The following TPRX2 variants were observed in gnomAD, a reference collection of about 807,000 sequenced individuals.
The protein encoded by TPRX2 is tetrapeptide repeat homeobox protein 2.
At chr19:47,860,992 C>A in the TPRX2 span, 1 of 1,155,708 alleles carries the variant, frequency 8.7e-7, no homozygotes. Context: ...CAGCCGGGCC[C>A]CTGGGGAGTC....
At chr19:47,860,978 C>A in the TPRX2 span, 1 of 1,313,584 alleles carries the variant, frequency 7.6e-7, no homozygotes, top group Non-Finnish European at 1.1e-6. Context: ...CCTGGATCTC[C>A]CCTCAGCCGG....
the TPRX2 span, among the ~76,000 whole-genome samples, chr19:47,859,863 A>G: frequency 6.6e-6 from 1 of 150,830 alleles, no homozygotes; most frequent in Non-Finnish European, 1.5e-5. Context: ...GGCCTGAGGC[A>G]GCCCCGTCTG....
chr19:47,860,950 TC>T, the TPRX2 span: 10 of 1,455,262 alleles, frequency 6.9e-6, no homozygotes, highest in Non-Finnish European at 9.3e-6. Context: ...GGTCCTGAGT[TC>T]CCGCAGGGCA....
the TPRX2 span, among the ~76,000 whole-genome samples, chr19:47,859,264 T>C: frequency 6.6e-6 from 1 of 151,048 alleles, no homozygotes; most frequent in East Asian, 2.0e-4. Flanking sequence ...ACCCTGGTCA[T>C]CTCCAAGGTG....
At chr19:47,859,887 C>T in the TPRX2 span, among the ~76,000 whole-genome samples, 1 of 150,224 alleles carries the variant, frequency 6.7e-6, no homozygotes, top group Non-Finnish European at 1.5e-5. Flanking sequence ...CGAGGTGAGG[C>T]GCCTACGCTG....
chr19:47,859,926 C>T, the TPRX2 span, among the ~76,000 whole-genome samples: 1 of 149,636 alleles, frequency 6.7e-6, no homozygotes, highest in Admixed American at 6.6e-5. Flanking sequence ...GTTATCGCGC[C>T]CATTTCCTAG....
At chr19:47,861,410 G>A in the TPRX2 span, 1 of 573,932 alleles carries the variant, frequency 1.7e-6, no homozygotes, top group Non-Finnish European at 3.1e-6. Flanking sequence ...TCCTAGACCG[G>A]TTCGAGGAAT....
chr19:47,859,868 C>G, the TPRX2 span, among the ~76,000 whole-genome samples: 2 of 150,732 alleles, frequency 1.3e-5, 1 homozygote, highest in Non-Finnish European at 3.0e-5. Flanking sequence ...GAGGCAGCCC[C>G]GTCTGCTCCG....
chr19:47,860,025 GCT>G, the TPRX2 span: 2 of 1,290,000 alleles, frequency 1.6e-6, no homozygotes, highest in South Asian at 2.6e-5. Context: ...CACTGCCTGG[GCT>G]CCTGGCCTGG....
the TPRX2 span, among the ~76,000 whole-genome samples, chr19:47,859,503 C>T: frequency 1.3e-5 from 2 of 150,134 alleles, no homozygotes; most frequent in East Asian, 2.0e-4. Context: ...CACTTGAGCC[C>T]GGGACTCTGA....
the TPRX2 span, among the ~76,000 whole-genome samples, chr19:47,859,805 TATA>T: frequency 6.6e-6 from 1 of 150,922 alleles, no homozygotes; most frequent in Non-Finnish European, 1.5e-5. Flanking sequence ...TCAGGGTCCC[TATA>T]ACCCTTGGAT....
At chr19:47,861,121 C>T in the TPRX2 span, 11 of 702,642 alleles carry the variant, frequency 1.6e-5, no homozygotes, top group Non-Finnish European at 2.1e-5. Context: ...ATCCCAGCCC[C>T]TATCCCAGGC....
At chr19:47,861,519 T>C in the TPRX2 span, 1 of 1,323,200 alleles carries the variant, frequency 7.6e-7, no homozygotes, top group Non-Finnish European at 1.0e-6. Context: ...ATAGGGGGCC[T>C]GTGCCTGCAA....
the TPRX2 span, chr19:47,861,460 A>T: frequency 4.3e-6 from 4 of 936,352 alleles, no homozygotes; most frequent in Non-Finnish European, 6.2e-6. Flanking sequence ...AAAGAGGAGG[A>T]TGGCTTCGTG....
chr19:47,860,321 C>A, the TPRX2 span: 10 of 1,424,422 alleles, frequency 7.0e-6, no homozygotes, highest in African/African-American at 1.5e-5. Context: ...CCCAGTCACC[C>A]CAAGGAGCCT....
the TPRX2 span, among the ~76,000 whole-genome samples, chr19:47,859,519 G>T: frequency 1.3e-5 from 2 of 149,690 alleles, no homozygotes; most frequent in Non-Finnish European, 3.0e-5. Context: ...TCTGAAACCA[G>T]CCGAGCCAAC....
At chr19:47,860,670 G>A in the TPRX2 span, 1 of 989,328 alleles carries the variant, frequency 1.0e-6, no homozygotes, top group Non-Finnish European at 1.4e-6. Flanking sequence ...GGAGCCGGGG[G>A]CCCTCATATG....
chr19:47,860,365 C>T, the TPRX2 span: 1 of 675,746 alleles, frequency 1.5e-6, no homozygotes, highest in African/African-American at 1.9e-5. Flanking sequence ...GCCTGGCCCG[C>T]CCGACCACCT....
the TPRX2 span, chr19:47,861,608 A>G: frequency 2.9e-6 from 2 of 689,786 alleles, no homozygotes; most frequent in Admixed American, 2.6e-5. Context: ...ATCACCCTTT[A>G]CCCACCCTGC....
Sources: allele counts gnomAD v4.1 joint callset (sites outside exome capture counted in the v4.1 genomes callset), GRCh38; gene constraint gnomAD v4.1.1; transcripts MANE v1.5; gene names NCBI Gene and HGNC (gene_info 2026-07-23, HGNC 2026-07-21).